Variants in MBD3L1 observed in about 807,000 individuals in gnomAD.
The protein encoded by MBD3L1 is methyl-CpG binding domain protein 3 like 1.
For synonymous variants in MBD3L1, 84 were observed against 85.1 expected (o/e 0.99, Z 0.07); for missense variants, 203 against 230.1 (o/e 0.88, Z 0.76).
chr19:8,836,236 A>G (rs999785166), intron 1 of MBD3L1, among the ~76,000 whole-genome samples: 10 of 152,218 alleles, frequency 6.6e-5, no homozygotes, highest in African/African-American at 2.2e-4. Flanking sequence ...TAAGAGAATA[A>G]AAGTGGAAAA....
At chr19:8,840,023 A>AG (rs2044495592) in intron 1 of MBD3L1, among the ~76,000 whole-genome samples, 1 of 152,042 alleles carries the variant, frequency 6.6e-6, no homozygotes, top group Non-Finnish European at 1.5e-5. Flanking sequence ...CGCTACTAAA[A>AG]ATACCAAAAA....
In MBD3L1 at chr19:8,842,987, A is replaced by G; in HGVS notation, c.309A>G (p.Gly103=). The G allele has an allele frequency of 6.2e-7, 1 of 1,614,178 alleles. No individual in the cohort carries two copies. Among genetic ancestry groups the G allele is most frequent in the Middle Eastern group, 1.6e-4 (1 of 6,062 alleles). The change falls in exon 3 of 3, where the codon GGA becomes GGG. Residue 103 remains glycine (G), a synonymous_variant. Coordinates refer to ENST00000595891, the MANE Select transcript of MBD3L1 (RefSeq NM_001393532.1). ...LQKLVPSYTG[G]SLLEDLASGL... ...AACTTGTCCCTAGTTACACAGGTGG[A>G]TCTCTGCTGGAGGATCTTGCCAGTG... is the stretch of plus-strand genomic sequence containing the variant.
rs1434592705 is a variant in MBD3L1 at position 8,839,374 on chromosome 19, G to A, written c.-106-1541G>A. ...GTATTAATATTATGGCTAATATTTT[G>A]TATTTTTAGTAGAGATGGGGTTTCA... is the stretch of plus-strand genomic sequence containing the variant. On this transcript the variant is annotated intron_variant, in intron 1 of 2. Transcript: ENST00000595891. Among the ~76,000 whole-genome samples the A allele has an allele frequency of 2.0e-5, 3 of 151,688 alleles. No individual in the cohort carries two copies. In the East Asian group the frequency reaches 5.8e-4, roughly 29 times the overall value.
intron 1 of MBD3L1, among the ~76,000 whole-genome samples, chr19:8,835,724 G>A (rs2044448417): frequency 6.6e-6 from 1 of 152,148 alleles, no homozygotes; most frequent in South Asian, 2.1e-4. Flanking sequence ...GCTTGTACAT[G>A]AATGTTCATA....
rs542318207 is a variant in MBD3L1, at chr19:8,838,252, C to CAAAAAAAAAAAAAAAAAAAAAAAAAAA, written c.-106-2658_-106-2632dup. ...TGGACGACAGAGCAAGACTCCATCT[C>CAAAAAAAAAAAAAAAAAAAAAAAAAAA]AAAAAAAAAAAAAAAAAAAAAAAAA... On this transcript the variant is annotated intron_variant, in intron 1 of 2. Coordinates refer to ENST00000595891, the MANE Select transcript of MBD3L1 (RefSeq NM_001393532.1). Among the ~76,000 whole-genome samples, 3 of 11,832 alleles carry CAAAAAAAAAAAAAAAAAAAAAAAAAAA rather than the reference C, an allele frequency of 2.5e-4. 1 individual carries two copies. The highest frequency in any genetic ancestry group is 4.1e-3 in the East Asian group (2 of 486). The allele number at this position is 11,832 out of a possible 152,430, so 7.8% of individuals were successfully genotyped here. A position where few individuals can be genotyped will look rare whatever the true frequency, so the allele number is the denominator to read the frequency against.
chr19:8,835,404 A>G (rs1336884197), intron 1 of MBD3L1, among the ~76,000 whole-genome samples: 1 of 152,198 alleles, frequency 6.6e-6, no homozygotes, highest in Non-Finnish European at 1.5e-5. Context: ...AGATACACAA[A>G]TGGCAAATAT....
Position 8,832,524 on chromosome 19 carries a change from T to TAAGGTTGGCCCTGGGGGCGGGGCC in MBD3L1, c.-107+4_-107+27dup, listed in dbSNP as rs1470243391. 2 of 151,874 alleles carry TAAGGTTGGCCCTGGGGGCGGGGCC rather than the reference T, an allele frequency of 1.3e-5. No homozygotes were observed. Among genetic ancestry groups the TAAGGTTGGCCCTGGGGGCGGGGCC allele is most frequent in the East Asian group, 1.9e-4 (1 of 5,140 alleles). The allele number at this position is 151,874 out of a possible 1,614,324, so 9.4% of individuals were successfully genotyped here. A position where few individuals can be genotyped will look rare whatever the true frequency, so the allele number is the denominator to read the frequency against. On this transcript the variant is annotated splice_region_variant and intron_variant, in intron 1 of 2. Coordinates refer to ENST00000595891, the MANE Select transcript of MBD3L1 (RefSeq NM_001393532.1). The stretch of plus-strand genomic sequence containing the variant: ...CCCTGGCCTGGGGCAGTAGCGGGGG[T>TAAGGTTGGCCCTGGGGGCGGGGCC]AAGGTTGGCCCTGGGGGCGGGGCCA...
chr19:8,836,034 T>A (rs2145342463), intron 1 of MBD3L1, among the ~76,000 whole-genome samples: 1 of 152,330 alleles, frequency 6.6e-6, no homozygotes, highest in East Asian at 1.9e-4. Flanking sequence ...GGTAATGGTA[T>A]GGATTTCATT....
chr19:8,838,883 C>G (rs1032135808), intron 1 of MBD3L1, among the ~76,000 whole-genome samples: 1 of 152,090 alleles, frequency 6.6e-6, no homozygotes, highest in African/African-American at 2.4e-5. Context: ...CAGATAAGGT[C>G]GTGTTCCTGG....
At chr19:8,835,639 A>C (rs2044447467) in intron 1 of MBD3L1, among the ~76,000 whole-genome samples, 2 of 152,228 alleles carry the variant, frequency 1.3e-5, no homozygotes, top group South Asian at 4.1e-4. Context: ...AAAAAGTCAT[A>C]GAGTTGCCAC....
intron 1 of MBD3L1, among the ~76,000 whole-genome samples, chr19:8,838,006 T>C (rs558049670): frequency 2.2e-4 from 33 of 151,748 alleles, no homozygotes; most frequent in African/African-American, 7.0e-4. Flanking sequence ...CCCAGCACTT[T>C]GGGAGGCCGA....
chr19:8,834,474 G>A (rs2044431308), intron 1 of MBD3L1, among the ~76,000 whole-genome samples: 1 of 152,038 alleles, frequency 6.6e-6, no homozygotes, highest in Non-Finnish European at 1.5e-5. Context: ...TGGGCGTGGT[G>A]GCGGGCGCCT....
At chr19:8,832,744 A>T (rs1321868127) in intron 1 of MBD3L1, among the ~76,000 whole-genome samples, 1 of 147,542 alleles carries the variant, frequency 6.8e-6, no homozygotes, top group Non-Finnish European at 1.5e-5. Context: ...AGGCTTCTAG[A>T]GCGGGGATGA....
intron 1 of MBD3L1, among the ~76,000 whole-genome samples, chr19:8,838,145 G>A (rs1440258550): frequency 6.6e-6 from 1 of 150,776 alleles, no homozygotes; most frequent in East Asian, 2.0e-4. Flanking sequence ...CTACTCAGGA[G>A]GCTGAGGCAG....
At chr19:8,839,185 C>CTTTTTTTTTTTTTT (rs57499698) in intron 1 of MBD3L1, among the ~76,000 whole-genome samples, 1 of 122,128 alleles carries the variant, frequency 8.2e-6, no homozygotes, top group Non-Finnish European at 1.6e-5. Flanking sequence ...CTTTTCTTTT[C>CTTTTTTTTTTTTTT]TTTTTTTTTT....
chr19:8,840,220 G>C (rs557682931), intron 1 of MBD3L1, among the ~76,000 whole-genome samples: 1 of 151,094 alleles, frequency 6.6e-6, no homozygotes, highest in Non-Finnish European at 1.5e-5. Context: ...TGATACAAAG[G>C]TTACATTGCA....
chr19:8,839,936 C>T (rs542849267), intron 1 of MBD3L1, among the ~76,000 whole-genome samples: 30 of 152,190 alleles, frequency 2.0e-4, no homozygotes, highest in Non-Finnish European at 8.8e-5. Flanking sequence ...GTAATCCCAG[C>T]ACTTTGGGAG....
chr19:8,832,979 A>T (rs1329881424), intron 1 of MBD3L1: 1 of 145,610 alleles, frequency 6.9e-6, no homozygotes, highest in African/African-American at 2.6e-5. Flanking sequence ...GGGTGGCAGC[A>T]AGCCTGGGGG....
At chr19:8,835,201 A>G (rs886639846) in intron 1 of MBD3L1, among the ~76,000 whole-genome samples, 1 of 152,014 alleles carries the variant, frequency 6.6e-6, no homozygotes, top group African/African-American at 2.4e-5. Context: ...ACAGGCGTTC[A>G]CCACCACGCC....
Sources: gnomAD v4.1 joint callset for allele counts (sites outside exome capture counted in the v4.1 genomes callset) on GRCh38, gnomAD v4.1.1 for gene constraint, MANE v1.5 for transcripts, NCBI Gene and HGNC (gene_info 2026-07-23, HGNC 2026-07-21) for gene names.